STAT5B: variants seen among roughly 807,000 people sequenced by gnomAD.
The protein encoded by STAT5B is signal transducer and activator of transcription 5B, also known as transcription factor STAT5B.
Under a neutral mutation model 107.8 loss-of-function variants are expected in STAT5B, and 21 were observed. That is an observed-to-expected ratio of 0.19 (90% CI 0.14 to 0.28). The LOEUF (loss-of-function observed/expected upper bound fraction) is 0.28. Among genes scored for constraint, STAT5B ranks in the 10% least tolerant of loss-of-function variants. The pLI, the probability that STAT5B is intolerant of heterozygous loss-of-function variation, is 1.00. For missense variants in STAT5B, 565 were observed against 1,008.2 expected (o/e 0.56, Z 5.95); for synonymous variants, 325 against 401.7 (o/e 0.81, Z 2.28).
At chr17:42,265,136 A>C (rs1247637130) in intron 1 of STAT5B, among the ~76,000 whole-genome samples, 1 of 145,518 alleles carries the variant, frequency 6.9e-6, no homozygotes, top group Non-Finnish European at 1.5e-5. Flanking sequence ...AGGTTGCGAA[A>C]ATTTTCTCCC....
chr17:42,264,432 C>T (rs2080649006), intron 1 of STAT5B, among the ~76,000 whole-genome samples: 1 of 147,334 alleles, frequency 6.8e-6, no homozygotes, highest in South Asian at 2.1e-4. Context: ...TATTCAATTC[C>T]CACCTATGAG....
At chr17:42,245,758 G>A (rs28606005) in intron 1 of STAT5B, among the ~76,000 whole-genome samples, 53,960 of 151,006 alleles carry the variant, frequency 0.36, 10,707 homozygotes, top group African/African-American at 0.54. Context: ...TCCTGACCTC[G>A]GGTGATCTGC....
chr17:42,270,542 A>C (rs2080714709), intron 1 of STAT5B: 1 of 152,222 alleles, frequency 6.6e-6, no homozygotes, highest in African/African-American at 2.4e-5. Context: ...TCTCTTCTTT[A>C]ATATAATTTC....
chr17:42,224,651 T>C, intron 4 of STAT5B, 128 bp downstream of exon 4: 1 of 926,056 alleles, frequency 1.1e-6, no homozygotes, highest in Non-Finnish European at 1.7e-6. Flanking sequence ...TTGTGCCCCT[T>C]AGGATGAAGC....
intron 1 of STAT5B, among the ~76,000 whole-genome samples, chr17:42,244,248 C>T (rs558023484): frequency 4.8e-4 from 72 of 149,884 alleles, no homozygotes; most frequent in African/African-American, 1.7e-3. Flanking sequence ...CCACCATGCC[C>T]GGCTAATTTT....
At chr17:42,285,372 G>C in the STAT5B span, among the ~76,000 whole-genome samples, 2 of 152,152 alleles carry the variant, frequency 1.3e-5, no homozygotes, top group Non-Finnish European at 2.9e-5. Flanking sequence ...GATTACAGGC[G>C]TGAGCCACTG....
chr17:42,236,077 T>C (rs1260314035), intron 1 of STAT5B, among the ~76,000 whole-genome samples: 1 of 152,218 alleles, frequency 6.6e-6, no homozygotes, highest in Non-Finnish European at 1.5e-5. Flanking sequence ...ATTTTTATGA[T>C]TCTAGTTATG....
At chr17:42,262,365 G>A (rs1286650674) in intron 1 of STAT5B, among the ~76,000 whole-genome samples, 1 of 152,134 alleles carries the variant, frequency 6.6e-6, no homozygotes, top group Non-Finnish European at 1.5e-5. Context: ...TTGCTATGTT[G>A]TCCATGCAGG....
chr17:42,240,267 T>C (rs1443733147), intron 1 of STAT5B, among the ~76,000 whole-genome samples: 2 of 152,142 alleles, frequency 1.3e-5, no homozygotes, highest in African/African-American at 4.8e-5. Flanking sequence ...CAGATAAATA[T>C]GGATAGGAAT....
intron 12 of STAT5B, 90 bp downstream of exon 12, chr17:42,215,924 T>C (rs1363263468): frequency 2.1e-6 from 3 of 1,447,672 alleles, no homozygotes; most frequent in Non-Finnish European, 2.8e-6. Flanking sequence ...ACCCGGCCTT[T>C]TCCTATGCTT....
At chr17:42,287,523 C>A in the STAT5B span, 1 of 152,602 alleles carries the variant, frequency 6.6e-6, no homozygotes, top group East Asian at 1.9e-4. Flanking sequence ...GAAGGGGCCT[C>A]TTGGAGAGGG....
In STAT5B at chr17:42,204,037, C is replaced by T. The variant is rs536901676; in HGVS notation, c.2078-1229G>A. Among the ~76,000 whole-genome samples the T allele has an allele frequency of 2.6e-5, 4 of 152,288 alleles. No individual in the cohort carries two copies. The South Asian group carries it at 8.3e-4, about 32-fold the overall frequency. ...CTGATGATGTCTGAGGTTCCTCTAA[C>T]TCTGAGTGTCTAGTCTTTCAGGAAA... On this transcript the variant is annotated intron_variant, in intron 16 of 18. Transcript: ENST00000293328.
intron 1 of STAT5B, among the ~76,000 whole-genome samples, chr17:42,263,812 T>C (rs1255980379): frequency 1.3e-5 from 2 of 151,202 alleles, no homozygotes; most frequent in East Asian, 3.9e-4. Context: ...TAGGCATGAG[T>C]CACTGTGCCC....
intron 6 of STAT5B, 72 bp downstream of exon 6, chr17:42,219,640 A>G: frequency 1.3e-6 from 2 of 1,510,408 alleles, no homozygotes; most frequent in East Asian, 4.9e-5. Flanking sequence ...TGCTGGTCCC[A>G]GCCCTCCCTC....
chr17:42,201,687 A>G lies in STAT5B; in HGVS notation c.*51T>C. 1.7e-6 allele frequency: 2 copies of G among 1,146,124 alleles called. No individual in the cohort carries two copies. The highest frequency in any genetic ancestry group is 2.7e-6 in the Non-Finnish European group (2 of 752,380). 71.0% of individuals were successfully genotyped at this position (1,146,124 alleles called of 1,614,324 possible). A position where few individuals can be genotyped will look rare whatever the true frequency, so the allele number is the denominator to read the frequency against. On this transcript the variant is annotated 3_prime_UTR_variant, in exon 19 of 19. Coordinates refer to ENST00000293328, the MANE Select transcript of STAT5B (RefSeq NM_012448.4). ...TTCATGGAATTAAAACATCCACAAG[A>G]GTGATTCCTCTGGTGAAGATGAAGA...
At chr17:42,243,214 G>A (rs62076925) in intron 1 of STAT5B, among the ~76,000 whole-genome samples, 53,712 of 151,558 alleles carry the variant, frequency 0.35, 10,607 homozygotes, top group African/African-American at 0.53. Context: ...AAATTAGTTG[G>A]GCGTGGTGGC....
At chr17:42,268,573 ACCTT>A (rs1244168859) in intron 1 of STAT5B, 1 of 152,078 alleles carries the variant, frequency 6.6e-6, no homozygotes, top group African/African-American at 2.4e-5. Flanking sequence ...TACATATTAA[ACCTT>A]CCATGCCTTC....
intron 16 of STAT5B, chr17:42,203,028 C>T (rs1330137796): frequency 1.5e-5 from 9 of 596,476 alleles, no homozygotes; most frequent in South Asian, 5.4e-5. Flanking sequence ...CTGCAGCCTC[C>T]GCCTCCCAGG....
chr17:42,199,379 GA>G lies in STAT5B; in HGVS notation c.*2358del, dbSNP rs1177573649. 6.6e-6 allele frequency: 1 copy of G among 151,984 alleles called. No homozygotes were observed. Among genetic ancestry groups the G allele is most frequent in the Non-Finnish European group, 1.5e-5 (1 of 67,990 alleles). The allele number at this position is 151,984 out of a possible 1,614,324, so 9.4% of individuals were successfully genotyped here. On this transcript the variant is annotated 3_prime_UTR_variant, in exon 19 of 19. Coordinates refer to ENST00000293328, the MANE Select transcript of STAT5B (RefSeq NM_012448.4). Reference sequence around the variant, plus strand: ...AAATAATTTCACCAAGTTTTAAAAAGAAAAATTATAAAAAGTATACTTTCAT... The same window carrying G: ...AAATAATTTCACCAAGTTTTAAAAAGAAAATTATAAAAAGTATACTTTCAT...
Sources: allele counts gnomAD v4.1 joint callset (sites outside exome capture counted in the v4.1 genomes callset), GRCh38; gene constraint gnomAD v4.1.1; transcripts MANE v1.5; gene names NCBI Gene and HGNC (gene_info 2026-07-23, HGNC 2026-07-21).